CAMTA1: variants seen among roughly 807,000 people sequenced by gnomAD.
CAMTA1 encodes calmodulin-binding transcription activator 1.
Under a neutral mutation model 170.9 loss-of-function variants are expected in CAMTA1, and 27 were observed. The ratio of observed to expected loss-of-function variants is 0.16; its 90% CI spans 0.12 to 0.22. The LOEUF (loss-of-function observed/expected upper bound fraction) is 0.22, where lower values mean the gene tolerates loss of function less well. CAMTA1 is among the 10% of genes least tolerant of loss of function. The pLI is 1.00. For synonymous variants in CAMTA1, 833 were observed against 891.5 expected (o/e 0.93, Z 1.17); for missense variants, 1,619 against 2,217.2 (o/e 0.73, Z 5.42).
At chr1:6,842,473 A>T (rs565846447) in intron 3 of CAMTA1, among the ~76,000 whole-genome samples, 1 of 152,150 alleles carries the variant, frequency 6.6e-6, no homozygotes, top group Non-Finnish European at 1.5e-5. Flanking sequence ...AACTAATTCA[A>T]CTGGAGTCTC....
In CAMTA1 at chr1:7,748,890, T is replaced by G. The variant is rs2096876065; in HGVS notation, c.4689+1109T>G. 6.6e-6 allele frequency among the ~76,000 whole-genome samples: 1 copy of G among 152,220 alleles called. No homozygotes were observed. Among genetic ancestry groups the G allele is most frequent in the Non-Finnish European group, 1.5e-5 (1 of 68,044 alleles). ...AGATGGGAAAGGGAAGTCATATTTT[T>G]GGGGCAGCTAGTATGCACTAGATTT... On this transcript the variant is annotated intron_variant, in intron 19 of 22. Coordinates refer to ENST00000303635, the MANE Select transcript of CAMTA1 (RefSeq NM_015215.4). The surrounding 1 kb of genome is among the most constrained non-coding windows in gnomAD (Gnocchi z 4.7).
At chr1:7,377,406 C>G (rs542464171) in intron 5 of CAMTA1, among the ~76,000 whole-genome samples, 1 of 152,234 alleles carries the variant, frequency 6.6e-6, no homozygotes, top group Non-Finnish European at 1.5e-5. Context: ...TTACTGTTCT[C>G]TATTCTCAGG....
intron 5 of CAMTA1, among the ~76,000 whole-genome samples, chr1:7,399,844 A>C (rs1411642368): frequency 1.3e-5 from 2 of 152,276 alleles, no homozygotes; most frequent in South Asian, 4.1e-4. Flanking sequence ...ATCTGCTGAT[A>C]GTTTAATGGG....
At chr1:7,115,578 T>A (rs2148412524) in intron 4 of CAMTA1, among the ~76,000 whole-genome samples, 1 of 122,380 alleles carries the variant, frequency 8.2e-6, no homozygotes, top group South Asian at 2.8e-4. Context: ...GTTGTTCCAG[T>A]CTGAATCTGA....
rs1407719327 is a variant in CAMTA1, at chr1:7,278,219, C to T, written c.438+28593C>T. On this transcript the variant is annotated intron_variant, in intron 5 of 22. Transcript: ENST00000303635. The stretch of plus-strand genomic sequence containing the variant: ...CTGCTGATTAACAAACATGCCCCAC[C>T]CCACAGGACTTGGCGCAGGGTGGGG... Among the ~76,000 whole-genome samples, 4 of 152,304 alleles carry T rather than the reference C, an allele frequency of 2.6e-5. No homozygotes were observed. In the East Asian group the frequency reaches 7.7e-4, roughly 29 times the overall value.
intron 3 of CAMTA1, among the ~76,000 whole-genome samples, chr1:6,873,312 C>T (rs1192889128): frequency 1.3e-5 from 2 of 151,994 alleles, no homozygotes. Flanking sequence ...ACCAGATCCC[C>T]AAAGACTTTT....
intron 4 of CAMTA1, among the ~76,000 whole-genome samples, chr1:7,176,571 T>C (rs1181109079): frequency 1.3e-5 from 2 of 152,228 alleles, no homozygotes; most frequent in Admixed American, 1.3e-4. Context: ...CAGCTCCAAC[T>C]GCTTCTGATT....
intron 4 of CAMTA1, among the ~76,000 whole-genome samples, chr1:7,131,081 G>A (rs1645224118): frequency 6.6e-6 from 1 of 151,864 alleles, no homozygotes; most frequent in Non-Finnish European, 1.5e-5. Context: ...AGCCTCCTAA[G>A]TAACTGGGAC....
At chr1:7,540,567 C>T (rs1212834972) in intron 6 of CAMTA1, among the ~76,000 whole-genome samples, 1 of 152,182 alleles carries the variant, frequency 6.6e-6, no homozygotes, top group East Asian at 1.9e-4. Context: ...ACATGGGTAA[C>T]TGGTGCAGGA....
intron 7 of CAMTA1, among the ~76,000 whole-genome samples, chr1:7,654,639 C>A (rs1423385170): frequency 7.8e-6 from 1 of 128,632 alleles, no homozygotes; most frequent in East Asian, 2.7e-4. Flanking sequence ...TCTATACACA[C>A]ACAAGCACAC....
chr1:6,834,358 C>T (rs1471794790), intron 3 of CAMTA1: 5 of 194,174 alleles, frequency 2.6e-5, no homozygotes, highest in Non-Finnish European at 4.5e-5. Context: ...CAACAGCTGC[C>T]CTCTTTGGTT....
rs549015016 is a variant in CAMTA1, at chr1:7,406,612, A to T, written c.439-61218A>T. 2.6e-5 allele frequency among the ~76,000 whole-genome samples: 4 copies of T among 152,096 alleles called. No individual in the cohort carries two copies. In the East Asian group the frequency reaches 7.8e-4, roughly 30 times the overall value. On this transcript the variant is annotated intron_variant, in intron 5 of 22. Transcript: ENST00000303635. ...CACACAAGCACACACGGATGTACAC[A>T]CACACACATGCATGCAGACACACAC...
At chr1:7,657,942 C>T (rs981366862) in intron 7 of CAMTA1, among the ~76,000 whole-genome samples, 3 of 152,192 alleles carry the variant, frequency 2.0e-5, no homozygotes, top group East Asian at 1.9e-4. Flanking sequence ...AGAGAGAATG[C>T]GGCTGCCGCA....
rs1228016222 is a variant in CAMTA1 at position 7,736,707 on chromosome 1, T to C, written c.3263+167T>C. On this transcript the variant is annotated intron_variant, in intron 13 of 22. Coordinates refer to ENST00000303635, the MANE Select transcript of CAMTA1 (RefSeq NM_015215.4). The surrounding 1 kb of genome is among the most constrained non-coding windows in gnomAD (Gnocchi z 4.5). ...TTTCCAAGGGAGTTTTATAAACTTC[T>C]TCCCAAGAAATACCCAGAGAGATAA... Among the ~76,000 whole-genome samples the C allele has an allele frequency of 6.6e-6, 1 of 152,234 alleles. No homozygotes were observed. Among genetic ancestry groups the C allele is most frequent in the Non-Finnish European group, 1.5e-5 (1 of 68,032 alleles).
chr1:7,373,966 C>T (rs970752124), intron 5 of CAMTA1, among the ~76,000 whole-genome samples: 3 of 152,220 alleles, frequency 2.0e-5, no homozygotes, highest in South Asian at 2.1e-4. Flanking sequence ...TGAACAGGAG[C>T]GACCGGCTGC....
At position 7,102,901 on chromosome 1, in the gene CAMTA1, C is replaced by T. The variant is rs74051123; in HGVS notation, c.302+11530C>T. 4.7e-3 allele frequency among the ~76,000 whole-genome samples: 717 copies of T among 152,270 alleles called. 3 individuals carry two copies. The highest frequency in any genetic ancestry group is 0.017 in the African/African-American group (692 of 41,546). ...CACCTTCTTTAGTTGTTGGTTGGCA[C>T]CCACTCTTCTCTTTACTCGGTGAAT... On this transcript the variant is annotated intron_variant, in intron 4 of 22. Transcript: ENST00000303635.
intron 1 of CAMTA1, among the ~76,000 whole-genome samples, chr1:6,800,377 A>G (rs1406302475): frequency 6.6e-6 from 1 of 152,184 alleles, no homozygotes; most frequent in Non-Finnish European, 1.5e-5. Flanking sequence ...ACTGCACTCC[A>G]GTCTGGATGA....
rs536517515 is a variant in CAMTA1 at position 7,053,509 on chromosome 1, G to A, written c.235-37795G>A. 2.0e-4 allele frequency among the ~76,000 whole-genome samples: 30 copies of A among 152,294 alleles called. 1 individual carries two copies. Among genetic ancestry groups the A allele is most frequent in the African/African-American group, 5.8e-4 (24 of 41,576 alleles). On this transcript the variant is annotated intron_variant, in intron 3 of 22. Coordinates refer to ENST00000303635, the MANE Select transcript of CAMTA1 (RefSeq NM_015215.4). ...TAGAATGAGCGTCAGATCATGGCAC[G>A]TCTTTGCTCAAAGCCTTTCAGGGCC...
At position 6,918,140 on chromosome 1, in the gene CAMTA1, G is replaced by T. The variant is rs1392358816; in HGVS notation, c.234+92930G>T. Among the ~76,000 whole-genome samples the T allele has an allele frequency of 6.6e-6, 1 of 152,162 alleles. No individual in the cohort carries two copies. Among genetic ancestry groups the T allele is most frequent in the African/African-American group, 2.4e-5 (1 of 41,420 alleles). On this transcript the variant is annotated intron_variant, in intron 3 of 22. Coordinates refer to ENST00000303635, the MANE Select transcript of CAMTA1 (RefSeq NM_015215.4). This position sits in a 1 kb window ranked among gnomAD's most constrained non-coding sequence, Gnocchi z 4.0. ...GGCCTCCCATGCTCCTGTTTGGGAA[G>T]AATTATGCAATTATTCCTAAATGGA...
Sources: allele counts gnomAD v4.1 joint callset (sites outside exome capture counted in the v4.1 genomes callset), GRCh38; gene constraint gnomAD v4.1.1; non-coding constraint Gnocchi (gnomAD v3.1); transcripts MANE v1.5; gene names NCBI Gene and HGNC (gene_info 2026-07-23, HGNC 2026-07-21).